Variants in CEMIP observed in about 807,000 individuals in gnomAD.
CEMIP encodes cell migration inducing hyaluronidase 1.
Under a neutral mutation model 156.9 loss-of-function variants are expected in CEMIP, and 105 were observed. The observed-to-expected ratio is 0.67, with a 90% CI of 0.57 to 0.79. The LOEUF (loss-of-function observed/expected upper bound fraction) is 0.79, where lower values mean the gene tolerates loss of function less well. CEMIP is among the 30% of genes least tolerant of loss of function. The pLI is 0.00. For synonymous variants in CEMIP, 676 were observed against 668.4 expected (o/e 1.01, Z -0.17); for missense variants, 1,457 against 1,769.4 (o/e 0.82, Z 3.17).
intron 3 of CEMIP, among the ~76,000 whole-genome samples, chr15:80,877,950 C>A (rs949540411): frequency 6.6e-6 from 1 of 152,184 alleles, no homozygotes; most frequent in Admixed American, 6.5e-5. Context: ...AAACTATTCT[C>A]TTTGGTTCTC....
chr15:80,941,041 C>T (rs891806620), intron 25 of CEMIP, among the ~76,000 whole-genome samples: 23 of 152,224 alleles, frequency 1.5e-4, no homozygotes, highest in Non-Finnish European at 1.2e-4. Context: ...AATCCATGGC[C>T]CCTCTGTGAG....
At chr15:80,846,797 C>A (rs1035446191) in intron 1 of CEMIP, among the ~76,000 whole-genome samples, 1 of 152,218 alleles carries the variant, frequency 6.6e-6, no homozygotes, top group Non-Finnish European at 1.5e-5. Flanking sequence ...AGTCCTAATT[C>A]CTGGCTCAGC....
intron 1 of CEMIP, among the ~76,000 whole-genome samples, chr15:80,866,632 T>TAAATAAAA (rs1460951794): frequency 3.2e-4 from 36 of 112,474 alleles, no homozygotes; most frequent in African/African-American, 1.6e-4. Flanking sequence ...AATAAATAAA[T>TAAATAAAA]AAAATAAGCC....
chr15:80,855,658 G>A (rs148659482), intron 1 of CEMIP, among the ~76,000 whole-genome samples: 1,889 of 152,212 alleles, frequency 0.012, 28 homozygotes, highest in South Asian at 0.049. Flanking sequence ...AAGTAGCTGG[G>A]ACCATAGGCA....
At chr15:80,914,579 T>C (rs1900193494) in intron 14 of CEMIP, among the ~76,000 whole-genome samples, 1 of 152,122 alleles carries the variant, frequency 6.6e-6, no homozygotes, top group South Asian at 2.1e-4. Flanking sequence ...CTGAGCCCCC[T>C]GTGTCTTTGG....
At chr15:80,893,517 G>A (rs1899106854) in intron 10 of CEMIP, among the ~76,000 whole-genome samples, 3 of 152,248 alleles carry the variant, frequency 2.0e-5, no homozygotes, top group East Asian at 1.9e-4. Context: ...TCAATCTTAC[G>A]GGGTCTCCAA....
intron 1 of CEMIP, among the ~76,000 whole-genome samples, chr15:80,848,478 G>A (rs1897618464): frequency 6.6e-6 from 1 of 152,192 alleles, no homozygotes; most frequent in Admixed American, 6.5e-5. Flanking sequence ...AGCTTCAGCA[G>A]GCCAAGTCCC....
At chr15:80,855,475 T>C (rs973558786) in intron 1 of CEMIP, among the ~76,000 whole-genome samples, 1 of 151,898 alleles carries the variant, frequency 6.6e-6, no homozygotes, top group Non-Finnish European at 1.5e-5. Context: ...CACTGCATTT[T>C]GGTAGCAAAG....
intron 14 of CEMIP, among the ~76,000 whole-genome samples, chr15:80,912,626 G>T (rs1256416963): frequency 6.6e-6 from 1 of 152,178 alleles, no homozygotes; most frequent in Admixed American, 6.5e-5. Context: ...AGACAGCAGG[G>T]TAATGGAGCA....
At chr15:80,822,196 T>G (rs553607565) in intron 1 of CEMIP, among the ~76,000 whole-genome samples, 111 of 152,340 alleles carry the variant, frequency 7.3e-4, no homozygotes, top group Non-Finnish European at 1.1e-3. Flanking sequence ...CTCCCCCAGA[T>G]GTGTTTCCCA....
At chr15:80,856,914 A>G (rs1897865344) in intron 1 of CEMIP, among the ~76,000 whole-genome samples, 1 of 152,198 alleles carries the variant, frequency 6.6e-6, no homozygotes, top group Admixed American at 6.5e-5. Context: ...ATCCCATCAC[A>G]ATGAGCCGGT....
intron 1 of CEMIP, among the ~76,000 whole-genome samples, chr15:80,825,116 C>T (rs576925311): frequency 7.2e-5 from 11 of 152,172 alleles, no homozygotes; most frequent in African/African-American, 2.7e-4. Flanking sequence ...CACATCTTAC[C>T]TATGGGCTGT....
At chr15:80,900,640 G>GTGTC (rs1899470419) in intron 12 of CEMIP, among the ~76,000 whole-genome samples, 9 of 130,336 alleles carry the variant, frequency 6.9e-5, no homozygotes, top group Non-Finnish European at 8.6e-5. Context: ...GTGTGTGTGT[G>GTGTC]TGTGTGTGTC....
chr15:80,820,750 C>T (rs941195799), intron 1 of CEMIP, among the ~76,000 whole-genome samples: 2 of 152,176 alleles, frequency 1.3e-5, no homozygotes, highest in African/African-American at 2.4e-5. Context: ...CTTTTCAAAC[C>T]TCAGTTTTCT....
At chr15:80,858,709 G>A (rs567598388) in intron 1 of CEMIP, among the ~76,000 whole-genome samples, 341 of 151,980 alleles carry the variant, frequency 2.2e-3, no homozygotes, top group African/African-American at 7.8e-3. Flanking sequence ...TGAGCAACAA[G>A]AGCGAAACTC....
At chr15:80,925,785 C>T (rs766191964) in intron 19 of CEMIP, 30 bp downstream of exon 19, 16 of 1,606,170 alleles carry the variant, frequency 1.0e-5, no homozygotes, top group Non-Finnish European at 1.3e-5. Context: ...GGCTTTGGCA[C>T]AAAGGGGGCA....
At chr15:80,947,599 GAA>G in intron 29 of CEMIP, 1 of 157,368 alleles carries the variant, frequency 6.4e-6, no homozygotes, top group Non-Finnish European at 1.4e-5. Flanking sequence ...TGTGCTGGAA[GAA>G]GCCATCCAGG....
chr15:80,943,732 A>G (rs1235194145), intron 28 of CEMIP, among the ~76,000 whole-genome samples: 1 of 151,992 alleles, frequency 6.6e-6, no homozygotes, highest in Non-Finnish European at 1.5e-5. Flanking sequence ...TTCCCTCCAC[A>G]GCGTCCTCTC....
rs141175073 is a variant in CEMIP, at chr15:80,887,052, T to C, written c.798-642T>C. ...TGAACTTCATTACTGCATTAGGCAT[T>C]ACGCAAAATGCCTAAAACAAAATGG... On this transcript the variant is annotated intron_variant, in intron 7 of 29. Coordinates refer to ENST00000394685, the MANE Select transcript of CEMIP (RefSeq NM_001293298.2). Among the ~76,000 whole-genome samples, 26 of 152,304 alleles carry C rather than the reference T, an allele frequency of 1.7e-4. No homozygotes were observed. The East Asian group carries it at 4.8e-3, about 28-fold the overall frequency.
Sources: gnomAD v4.1 joint callset for allele counts (sites outside exome capture counted in the v4.1 genomes callset) on GRCh38, gnomAD v4.1.1 for gene constraint, MANE v1.5 for transcripts, NCBI Gene and HGNC (gene_info 2026-07-23, HGNC 2026-07-21) for gene names.